Variants in SPATC1 observed in about 807,000 individuals in gnomAD.
SPATC1 encodes spermatogenesis and centriole associated 1, also known as speriolin.
SPATC1 carries 35 observed loss-of-function variants against 36.5 expected under a neutral mutation model. The ratio of observed to expected loss-of-function variants is 0.96; its 90% CI spans 0.73 to 1.27. The LOEUF is 1.27. SPATC1 is among the 50% of genes most tolerant of loss of function. SPATC1 has a pLI of 0.00. For synonymous variants in SPATC1, 361 were observed against 353.6 expected (o/e 1.02, Z -0.24); for missense variants, 779 against 796.0 (o/e 0.98, Z 0.26).
At position 144,016,078 on chromosome 8, in the gene SPATC1, A is replaced by G. The variant is rs1307075304; in HGVS notation, c.211+3352A>G. 6.7e-6 allele frequency among the ~76,000 whole-genome samples: 1 copy of G among 149,686 alleles called. No individual in the cohort carries two copies. The highest frequency in any genetic ancestry group is 1.5e-5 in the Non-Finnish European group (1 of 67,662). On this transcript the variant is annotated intron_variant, in intron 1 of 4. Coordinates refer to ENST00000377470, the MANE Select transcript of SPATC1 (RefSeq NM_198572.3). This position sits in a 1 kb window ranked among gnomAD's most constrained non-coding sequence, Gnocchi z 4.5. ...AGACTCTGTCTCAAAAAAAAAAAAA[A>G]GAAAAAAGAAAGAAAGAAAGAAAAG...
intron 1 of SPATC1, among the ~76,000 whole-genome samples, chr8:144,033,387 G>A (rs1206862353): frequency 2.0e-5 from 3 of 151,264 alleles, no homozygotes; most frequent in East Asian, 1.9e-4. Context: ...CAACAAGAGC[G>A]AGACTCCGTC....
At chr8:144,012,776 C>T in intron 1 of SPATC1, 50 bp downstream of exon 1, 1 of 1,537,544 alleles carries the variant, frequency 6.5e-7, no homozygotes, top group Admixed American at 2.0e-5. Flanking sequence ...GGGACTGCAC[C>T]AGAGAGGAGA....
upstream of SPATC1, among the ~76,000 whole-genome samples, chr8:144,011,693 C>T (rs991335000): frequency 6.6e-6 from 1 of 152,198 alleles, no homozygotes; most frequent in Middle Eastern, 3.4e-3. This position sits in a 1 kb window ranked among gnomAD's most constrained non-coding sequence, Gnocchi z 4.5. Context: ...CAGTCTTGGG[C>T]TCCTGAAGGA....
intron 1 of SPATC1, among the ~76,000 whole-genome samples, chr8:144,031,441 T>C (rs1233042298): frequency 6.5e-5 from 3 of 46,188 alleles, no homozygotes; most frequent in Admixed American, 6.2e-4. Flanking sequence ...GCTATCAAGA[T>C]TTTTTTTTCT....
rs377285159 is a variant in SPATC1, at chr8:144,040,089, C to A, written c.392C>A (p.Thr131Lys). The A allele has an allele frequency of 2.5e-6, 4 of 1,611,896 alleles. No individual in the cohort carries two copies. The highest frequency in any genetic ancestry group is 3.4e-6 in the Non-Finnish European group (4 of 1,179,852). Residue 131 changes from threonine (T) to lysine (K), a missense_variant, in exon 2 of 5, where the codon ACG (threonine) becomes AAG (lysine). Coordinates refer to ENST00000377470, the MANE Select transcript of SPATC1 (RefSeq NM_198572.3). ...LSTLLSGPAP[T>K]SQSSPLTSFL... ...ACGCTGCTGTCTGGCCCAGCACCCA[C>A]GTCACAGAGCAGCCCCCTCACCAGC... is the stretch of plus-strand genomic sequence containing the variant.
chr8:144,025,821 A>G (rs1231551911), intron 1 of SPATC1, among the ~76,000 whole-genome samples: 1 of 152,080 alleles, frequency 6.6e-6, no homozygotes, highest in Non-Finnish European at 1.5e-5. Flanking sequence ...AGAGCCTGTA[A>G]TGCCTCCCAG....
chr8:144,037,378 G>A (rs1249010934), intron 1 of SPATC1, among the ~76,000 whole-genome samples: 2 of 151,874 alleles, frequency 1.3e-5, no homozygotes, highest in African/African-American at 2.4e-5. Context: ...AATAGAAAGC[G>A]GGGAAAGGTG....
In SPATC1 at chr8:144,040,693, G is replaced by A; in HGVS notation, c.892G>A (p.Ala298Thr). 1 of 1,613,678 alleles carries A rather than the reference G, an allele frequency of 6.2e-7. No homozygotes were observed. Among genetic ancestry groups the A allele is most frequent in the Non-Finnish European group, 8.5e-7 (1 of 1,179,908 alleles). ...CATGGGCACACCTGCTCCCAAGACGGCCTTCTCCTTCAACACTTCGGACAC... is the reference window on the plus strand; with the variant it reads ...CATGGGCACACCTGCTCCCAAGACGACCTTCTCCTTCAACACTTCGGACAC... ...GAMGTPAPKT[A>T]FSFNTSDTQA... is the part of the protein sequence containing the mutation. Residue 298 changes from alanine (A) to threonine (T), a missense_variant, in exon 3 of 5, where the codon GCC (alanine) becomes ACC (threonine). Physicochemically the swap from Ala to Thr is moderately conservative, Grantham distance 58. Coordinates refer to ENST00000377470, the MANE Select transcript of SPATC1 (RefSeq NM_198572.3).
rs781851273 is a variant in SPATC1, at chr8:144,012,629, G to C, written c.114G>C (p.Lys38Asn). 60 of 1,551,638 alleles carry C rather than the reference G, an allele frequency of 3.9e-5. No individual in the cohort carries two copies. Among genetic ancestry groups the C allele is most frequent in the Non-Finnish European group, 1.2e-5 (14 of 1,147,014 alleles). ...VRLIRENHEL[K>N]SAIKTQAGGL... The stretch of plus-strand genomic sequence containing the variant: ...TCATTCGGGAGAATCACGAGCTCAA[G>C]TCAGCGATCAAGACTCAGGCAGGCG... Residue 38 changes from lysine (K) to asparagine (N), a missense_variant, in exon 1 of 5, where the codon AAG (lysine) becomes AAC (asparagine). Lys to Asn is a moderately conservative substitution (Grantham distance 94). Transcript: ENST00000377470.
In SPATC1 at chr8:144,046,504, C is replaced by G. The variant is rs1835264807; in HGVS notation, c.1447-123C>G. 1 of 895,634 alleles carries G rather than the reference C, an allele frequency of 1.1e-6. No homozygotes were observed. Among genetic ancestry groups the G allele is most frequent in the African/African-American group, 1.7e-5 (1 of 59,898 alleles). The allele number at this position is 895,634 out of a possible 1,614,324, so 55.5% of individuals were successfully genotyped here. ...TTCTTGAGGTCTGTCGCAGAACCTCCCCACCGCACACCCCTCGGATCCTGG... is the reference window on the plus strand; with the variant it reads ...TTCTTGAGGTCTGTCGCAGAACCTCGCCACCGCACACCCCTCGGATCCTGG... On this transcript the variant is annotated intron_variant, in intron 4 of 4. Transcript: ENST00000377470. The surrounding 1 kb of genome is among the most constrained non-coding windows in gnomAD (Gnocchi z 6.6).
At chr8:144,042,962 C>T (rs1230519664) in intron 4 of SPATC1, among the ~76,000 whole-genome samples, 1 of 150,722 alleles carries the variant, frequency 6.6e-6, no homozygotes, top group Non-Finnish European at 1.5e-5. Flanking sequence ...CTAACTGGGA[C>T]TACGGGCATG....
chr8:144,027,542 A>ATT (rs1834710067), intron 1 of SPATC1, among the ~76,000 whole-genome samples: 4 of 152,184 alleles, frequency 2.6e-5, no homozygotes, highest in African/African-American at 9.7e-5. Flanking sequence ...ATGCAGATTC[A>ATT]CCCCAAGTTT....
At chr8:144,026,987 C>CTTTTTTTTTTTTTTTTTT (rs1169014232) in intron 1 of SPATC1, among the ~76,000 whole-genome samples, 3 of 114,300 alleles carry the variant, frequency 2.6e-5, no homozygotes, top group Non-Finnish European at 5.2e-5. Context: ...TTTTTTTTTT[C>CTTTTTTTTTTTTTTTTTT]TTTTTTTTTT....
At chr8:144,028,957 A>G (rs990907886) in intron 1 of SPATC1, among the ~76,000 whole-genome samples, 3 of 152,148 alleles carry the variant, frequency 2.0e-5, no homozygotes, top group Non-Finnish European at 2.9e-5. Context: ...AGGAACAGGA[A>G]AGCCAAACAC....
chr8:144,040,018 C>T lies in SPATC1; in HGVS notation c.321C>T (p.Ser107=), dbSNP rs150222936. Residue 107 remains serine, a synonymous_variant, in exon 2 of 5, where the codon AGC becomes AGT. Transcript: ENST00000377470. ...LAEMLTSLQP[S]ATPGSLMSPL... ...AGATGCTAACCAGCTTGCAGCCCAG[C>T]GCCACACCGGGCTCACTCATGAGCC... 2.2e-4 allele frequency: 351 copies of T among 1,613,832 alleles called. No homozygotes were observed. Among genetic ancestry groups the T allele is most frequent in the Admixed American group, 4.0e-4 (24 of 60,014 alleles).
Position 144,040,285 on chromosome 8 carries a change from C to T in SPATC1, c.588C>T (p.Ser196=). 2 of 1,612,714 alleles carry T rather than the reference C, an allele frequency of 1.2e-6. No individual in the cohort carries two copies. Among genetic ancestry groups the T allele is most frequent in the African/African-American group, 2.7e-5 (2 of 75,054 alleles). The change falls in exon 2 of 5, where the codon AGC becomes AGT. Residue 196 remains serine (S), a synonymous_variant. Coordinates refer to ENST00000377470, the MANE Select transcript of SPATC1 (RefSeq NM_198572.3). ...PVMGTVAVSL[S]SPLLSSTATP... is the part of the protein sequence containing the mutation. Reference sequence around the variant, plus strand: ...TGGGCACGGTGGCTGTCTCTCTGAGCAGCCCCCTCCTCAGCTCCACTGCCA... The same window carrying T: ...TGGGCACGGTGGCTGTCTCTCTGAGTAGCCCCCTCCTCAGCTCCACTGCCA...
At position 144,015,567 on chromosome 8, in the gene SPATC1, C is replaced by A. The variant is rs575432157; in HGVS notation, c.211+2841C>A. Among the ~76,000 whole-genome samples, 162 of 149,618 alleles carry A rather than the reference C, an allele frequency of 1.1e-3. 1 individual carries two copies. Among genetic ancestry groups the A allele is most frequent in the African/African-American group, 3.9e-3 (159 of 40,966 alleles). On this transcript the variant is annotated intron_variant, in intron 1 of 4. Coordinates refer to ENST00000377470, the MANE Select transcript of SPATC1 (RefSeq NM_198572.3). ...GACCAGCCTGGCCAACATGGTGAAA[C>A]CCCATCTCTACTACAAATACAAAAA...
chr8:144,039,318 G>A (rs1475781198), intron 1 of SPATC1, among the ~76,000 whole-genome samples: 1 of 152,232 alleles, frequency 6.6e-6, no homozygotes, highest in African/African-American at 2.4e-5. Context: ...ACCAGGGTGT[G>A]TGACCAGCTC....
At chr8:144,039,045 GCTTTT>G (rs1834989059) in intron 1 of SPATC1, among the ~76,000 whole-genome samples, 2 of 152,194 alleles carry the variant, frequency 1.3e-5, no homozygotes, top group African/African-American at 4.8e-5. Context: ...ACTATCTGTG[GCTTTT>G]CATCTTTTTT....
Sources: allele counts gnomAD v4.1 joint callset (sites outside exome capture counted in the v4.1 genomes callset), GRCh38; gene constraint gnomAD v4.1.1; non-coding constraint Gnocchi (gnomAD v3.1); transcripts MANE v1.5; gene names NCBI Gene and HGNC (gene_info 2026-07-23, HGNC 2026-07-21).